The following NPSR1 variants were observed in gnomAD, a reference collection of about 807,000 sequenced individuals.
NPSR1 encodes the protein neuropeptide S receptor 1.
In NPSR1, 48 loss-of-function variants were observed where a neutral mutation model predicts 46.9. The observed-to-expected ratio is 1.02, with a 90% confidence interval of 0.81 to 1.30. The LOEUF (loss-of-function observed/expected upper bound fraction) is 1.30, where lower values mean the gene tolerates loss of function less well. Among genes scored for constraint, NPSR1 ranks in the 50% most tolerant of loss-of-function variants. NPSR1 has a pLI of 0.00. For synonymous variants in NPSR1, 176 were observed against 168.1 expected (o/e 1.05, Z -0.36); for missense variants, 450 against 449.5 (o/e 1.00, Z -0.01).
Position 34,684,667 on chromosome 7 carries a change from C to T in NPSR1, c.263C>T (p.Thr88Ile). ...KKKSRMTFFVTQLAITDSFTG... is the reference protein window; with the variant it reads ...KKKSRMTFFVIQLAITDSFTG... Reference sequence around the variant, plus strand: ...AAGTCAAGAATGACCTTCTTTGTGACTCAGCTGGCCATCACAGGTAAGTAA... The same window carrying T: ...AAGTCAAGAATGACCTTCTTTGTGATTCAGCTGGCCATCACAGGTAAGTAA... The change falls in exon 2 of 9, where the codon ACT (threonine) becomes ATT (isoleucine). Residue 88 changes from threonine to isoleucine, a missense_variant. By Grantham distance (89) the Thr-to-Ile change is moderately conservative. Transcript: ENST00000360581. 6.2e-7 allele frequency: 1 copy of T among 1,612,148 alleles called. No individual in the cohort carries two copies. Among genetic ancestry groups the T allele is most frequent in the Non-Finnish European group, 8.5e-7 (1 of 1,179,256 alleles).
chr7:34,783,522 G>A (rs1056827158), intron 3 of NPSR1, among the ~76,000 whole-genome samples: 7 of 152,040 alleles, frequency 4.6e-5, no homozygotes, highest in Non-Finnish European at 8.8e-5. Flanking sequence ...TAGGAACATA[G>A]CCAAACTATA....
intron 2 of NPSR1, among the ~76,000 whole-genome samples, chr7:34,738,676 C>T (rs1251939407): frequency 6.6e-6 from 1 of 151,992 alleles, no homozygotes; most frequent in East Asian, 1.9e-4. Context: ...TTCTTCATCT[C>T]CTTTCCTCTG....
At chr7:34,831,848 CA>C (rs201121397) in intron 5 of NPSR1, among the ~76,000 whole-genome samples, 86 of 140,080 alleles carry the variant, frequency 6.1e-4, no homozygotes, top group African/African-American at 5.5e-4. Flanking sequence ...CCGACAATTG[CA>C]AAAAAAAAAA....
intron 1 of NPSR1, among the ~76,000 whole-genome samples, chr7:34,662,965 C>T (rs1791529691): frequency 6.6e-6 from 1 of 152,036 alleles, no homozygotes. Context: ...CAGAGCTTTT[C>T]AGCCCAGGAA....
chr7:34,771,960 C>G (rs1179250792), intron 2 of NPSR1, among the ~76,000 whole-genome samples: 1 of 152,148 alleles, frequency 6.6e-6, no homozygotes, highest in Non-Finnish European at 1.5e-5. Context: ...TCTTTTAAAC[C>G]ATGAAGTCTA....
chr7:34,801,997 C>A (rs1401171623), intron 3 of NPSR1, among the ~76,000 whole-genome samples: 1 of 149,434 alleles, frequency 6.7e-6, no homozygotes, highest in Non-Finnish European at 1.5e-5. Context: ...ACCTAGGAAT[C>A]CAACTTACAA....
At chr7:34,786,171 C>A (rs1787458175) in intron 3 of NPSR1, among the ~76,000 whole-genome samples, 1 of 152,106 alleles carries the variant, frequency 6.6e-6, no homozygotes, top group Non-Finnish European at 1.5e-5. Context: ...AATCTTGCCA[C>A]TGTTTTATCA....
At chr7:34,758,628 T>C (rs1434709909) in intron 2 of NPSR1, among the ~76,000 whole-genome samples, 1 of 152,230 alleles carries the variant, frequency 6.6e-6, no homozygotes, top group African/African-American at 2.4e-5. Context: ...ACAGAAAATC[T>C]TCAAGAGTAG....
intron 2 of NPSR1, among the ~76,000 whole-genome samples, chr7:34,708,587 G>T (rs1235724478): frequency 2.0e-5 from 3 of 152,176 alleles, no homozygotes; most frequent in Non-Finnish European, 4.4e-5. Flanking sequence ...GGAGCTTATA[G>T]TTAGAGGAAG....
intron 2 of NPSR1, among the ~76,000 whole-genome samples, chr7:34,733,578 C>T (rs116230982): frequency 0.011 from 1,732 of 152,232 alleles, 33 homozygotes; most frequent in African/African-American, 0.039. Context: ...TGTGAAGAGA[C>T]GGCTTTTCAT....
At chr7:34,738,091 T>C (rs1162283594) in intron 2 of NPSR1, among the ~76,000 whole-genome samples, 1 of 152,228 alleles carries the variant, frequency 6.6e-6, no homozygotes, top group Non-Finnish European at 1.5e-5. Context: ...TGGAGCATTA[T>C]GGTTGAAGGC....
chr7:34,668,865 C>T (rs1425592746), intron 1 of NPSR1, among the ~76,000 whole-genome samples: 1 of 152,140 alleles, frequency 6.6e-6, no homozygotes, highest in Non-Finnish European at 1.5e-5. Context: ...AGTTCATGGT[C>T]ACGTCTGGTA....
At chr7:34,754,422 C>T (rs532175661) in intron 2 of NPSR1, among the ~76,000 whole-genome samples, 23 of 151,252 alleles carry the variant, frequency 1.5e-4, no homozygotes, top group South Asian at 8.5e-4. Flanking sequence ...AAGTTCAATC[C>T]GGTGCACGCA....
intron 8 of NPSR1, among the ~76,000 whole-genome samples, chr7:34,868,453 G>A (rs958096203): frequency 1.3e-5 from 2 of 151,694 alleles, no homozygotes; most frequent in African/African-American, 4.9e-5. Flanking sequence ...CCTGCAAAAA[G>A]TAAGCCCCAA....
intron 8 of NPSR1, among the ~76,000 whole-genome samples, chr7:34,876,905 G>GTGAGGGTCAGTGGGTGGCAGGAGTCA: frequency 6.6e-6 from 1 of 152,228 alleles, no homozygotes; most frequent in South Asian, 2.1e-4. Flanking sequence ...GACTCCAGCA[G>GTGAGGGTCAGTGGGTGGCAGGAGTCA]TGAGGGTCAG....
At chr7:34,876,534 C>T (rs1235252917) in intron 8 of NPSR1, among the ~76,000 whole-genome samples, 2 of 152,166 alleles carry the variant, frequency 1.3e-5, no homozygotes, top group Non-Finnish European at 2.9e-5. Context: ...CCCATGTCAC[C>T]CCCTGAGAAA....
Position 34,733,227 on chromosome 7 carries a change from C to A in NPSR1, c.281-45235C>A, listed in dbSNP as rs985869836. ...ACGAGGTCAGGAGTTCAAGACCAGC[C>A]TGGCCAACATGGTGAAACCCCATCT... On this transcript the variant is annotated intron_variant, in intron 2 of 8. Transcript: ENST00000360581. Among the ~76,000 whole-genome samples, 9 of 152,194 alleles carry A rather than the reference C, an allele frequency of 5.9e-5. No homozygotes were observed. In the South Asian group the frequency reaches 1.9e-3, roughly 32 times the overall value.
At chr7:34,792,703 A>ATATATATATT (rs57249705) in intron 3 of NPSR1, among the ~76,000 whole-genome samples, 2 of 88,568 alleles carry the variant, frequency 2.3e-5, no homozygotes, top group Non-Finnish European at 2.4e-5. Context: ...ATATATACGT[A>ATATATATATT]TATATATATA....
intron 1 of NPSR1, among the ~76,000 whole-genome samples, chr7:34,666,096 C>T (rs2128671295): frequency 6.6e-6 from 1 of 152,318 alleles, no homozygotes; most frequent in South Asian, 2.1e-4. Context: ...TATTCACCAA[C>T]CATTTGGCTT....
Sources: allele counts gnomAD v4.1 joint callset (sites outside exome capture counted in the v4.1 genomes callset), GRCh38; gene constraint gnomAD v4.1.1; transcripts MANE v1.5; gene names NCBI Gene and HGNC (gene_info 2026-07-23, HGNC 2026-07-21).